ZNF727: variants seen among roughly 807,000 people sequenced by gnomAD.
ZNF727 encodes putative zinc finger protein 727.
A neutral mutation model predicts 11.5 loss-of-function variants in ZNF727; 11 were observed. The observed-to-expected ratio is 0.95, with a 90% CI of 0.60 to 1.58. The LOEUF is 1.58. ZNF727 is among the 40% of genes most tolerant of loss of function. The probability of loss-of-function intolerance (pLI) is 0.00; values close to 1 mark genes in which losing one functional copy is unlikely to be tolerated. For missense variants in ZNF727, 533 were observed against 581.7 expected, an observed-to-expected ratio of 0.92 and a Z score of 0.86; for synonymous variants, 171 against 196.1, an observed-to-expected ratio of 0.87 and a Z score of 1.07.
At chr7:64,075,151 G>T (rs1376513329) in intron 3 of ZNF727, among the ~76,000 whole-genome samples, 1 of 151,816 alleles carries the variant, frequency 6.6e-6, no homozygotes, top group Non-Finnish European at 1.5e-5. Context: ...ACTTTTCTCA[G>T]ACTTTGTCTA....
chr7:64,077,461 T>C lies in ZNF727; in HGVS notation c.412T>C (p.Ser138Pro). The change falls in exon 4 of 4, where the codon TCA (serine) becomes CCA (proline). Residue 138 changes from serine (S) to proline (P), a missense_variant. Ser to Pro is a moderately conservative substitution (Grantham distance 74). This residue lies in a region of ZNF727 where 463 missense variants were observed against 494.5 expected (regional missense o/e 0.94). Coordinates refer to ENST00000456806, the MANE Select transcript of ZNF727 (RefSeq NM_001159522.3). ...SSYNGIHQCL[S>P]ATRSKTCQYN... is the part of the protein sequence containing the mutation. ...TTATAATGGCATTCATCAATGTTTG[T>C]CAGCTACCCGTAGCAAAACCTGTCA... 1 of 1,551,890 alleles carries C rather than the reference T, an allele frequency of 6.4e-7. No individual in the cohort carries two copies. The highest frequency in any genetic ancestry group is 8.7e-7 in the Non-Finnish European group (1 of 1,147,014).
chr7:64,051,502 T>G (rs573263657), intron 1 of ZNF727, among the ~76,000 whole-genome samples: 1 of 152,274 alleles, frequency 6.6e-6, no homozygotes, highest in African/African-American at 2.4e-5. Context: ...TTTACAAATG[T>G]GTACTCCAAA....
Position 64,077,319 on chromosome 7 carries a change from C to T in ZNF727, c.270C>T (p.Asp90=). The T allele has an allele frequency of 6.5e-7, 1 of 1,549,352 alleles. No homozygotes were observed. Among genetic ancestry groups the T allele is most frequent in the Non-Finnish European group, 8.7e-7 (1 of 1,146,338 alleles). The change falls in exon 4 of 4, where the codon GAC becomes GAT. Residue 90 remains aspartate, a synonymous_variant. Transcript: ENST00000456806. ...CTGCAGAGATATTGCTGGAGCACGA[C>T]ATAAACGATTCATTTCAAAAAGTGA... ...HFTAEILLEH[D]INDSFQKVIL...
chr7:64,050,056 CAT>C (rs1033339964), intron 1 of ZNF727, among the ~76,000 whole-genome samples: 21 of 151,718 alleles, frequency 1.4e-4, no homozygotes, highest in African/African-American at 4.6e-4. Flanking sequence ...AAACTTTCTA[CAT>C]ATATATATTT....
intron 1 of ZNF727, among the ~76,000 whole-genome samples, chr7:64,049,050 T>C (rs925166657): frequency 1.3e-5 from 2 of 152,168 alleles, no homozygotes; most frequent in Non-Finnish European, 2.9e-5. Flanking sequence ...GAAAATCTAA[T>C]ATGGTTCCTT....
At position 64,083,312 on chromosome 7, in the gene ZNF727, C is replaced by G. The variant is rs1785822080; in HGVS notation, c.*4763C>G. 6.6e-6 allele frequency among the ~76,000 whole-genome samples: 1 copy of G among 152,202 alleles called. No homozygotes were observed. The highest frequency in any genetic ancestry group is 2.4e-5 in the African/African-American group (1 of 41,460). ...CAAAGATGGCGGCCCACTCCTCTTT[C>G]TGGTAGCTCCATCCCAGGGAGGTAC... On this transcript the variant is annotated 3_prime_UTR_variant, in exon 4 of 4. Transcript: ENST00000456806.
chr7:64,053,738 T>C (rs138278182), intron 1 of ZNF727, among the ~76,000 whole-genome samples: 276 of 152,226 alleles, frequency 1.8e-3, no homozygotes, highest in Middle Eastern at 6.8e-3. Flanking sequence ...TTGTCAGGCC[T>C]CCCCAGCCAT....
At chr7:64,058,157 G>C (rs765933676) in intron 1 of ZNF727, among the ~76,000 whole-genome samples, 4 of 152,180 alleles carry the variant, frequency 2.6e-5, no homozygotes, top group Non-Finnish European at 5.9e-5. Flanking sequence ...GTGTCAGGCA[G>C]GCCCTGGGCT....
chr7:64,082,078 G>A lies in ZNF727; in HGVS notation c.*3529G>A, dbSNP rs1785802326. Among the ~76,000 whole-genome samples, 2 of 152,140 alleles carry A rather than the reference G, an allele frequency of 1.3e-5. No homozygotes were observed. The highest frequency in any genetic ancestry group is 1.3e-4 in the Admixed American group (2 of 15,282). On this transcript the variant is annotated 3_prime_UTR_variant, in exon 4 of 4. Transcript: ENST00000456806. Reference sequence around the variant, plus strand: ...GCCCTCTCTCCTTGGGTAAACTACAGCTCGTTTGAGGTGTGAATAAGGCAC... The same window carrying A: ...GCCCTCTCTCCTTGGGTAAACTACAACTCGTTTGAGGTGTGAATAAGGCAC...
At chr7:64,064,646 A>G (rs1285253923) in intron 1 of ZNF727, among the ~76,000 whole-genome samples, 1 of 152,118 alleles carries the variant, frequency 6.6e-6, no homozygotes, top group East Asian at 1.9e-4. Flanking sequence ...TTGCAGTCCC[A>G]GTGGCTTACC....
In ZNF727 at chr7:64,066,811, TTAAAC is replaced by T. The variant is rs565633460; in HGVS notation, c.4-2075_4-2071del. Among the ~76,000 whole-genome samples, 79 of 152,242 alleles carry T rather than the reference TTAAAC, an allele frequency of 5.2e-4. 1 individual carries two copies. Among genetic ancestry groups the T allele is most frequent in the Admixed American group, 4.8e-3 (74 of 15,282 alleles). On this transcript the variant is annotated intron_variant, in intron 1 of 3. Transcript: ENST00000456806. ...GCCAAAATTGACAAATGCGATCTAATTAAACTAAAGAGCTTCTGCACTGCAAAAGA... is the reference window on the plus strand; with the variant it reads ...GCCAAAATTGACAAATGCGATCTAATTAAAGAGCTTCTGCACTGCAAAAGA...
chr7:64,070,509 A>C (rs767354339), intron 3 of ZNF727, among the ~76,000 whole-genome samples: 18 of 152,052 alleles, frequency 1.2e-4, no homozygotes, highest in Non-Finnish European at 2.2e-4. Context: ...CAATTTTTTC[A>C]CAAATAATAA....
chr7:64,049,657 A>G (rs968739122), intron 1 of ZNF727, among the ~76,000 whole-genome samples: 15 of 151,766 alleles, frequency 9.9e-5, no homozygotes, highest in African/African-American at 3.4e-4. Context: ...TTAATGTGGA[A>G]TAGGACATAC....
Position 64,078,665 on chromosome 7 carries a change from A to G in ZNF727, c.*116A>G, listed in dbSNP as rs984502496. 6 of 1,334,892 alleles carry G rather than the reference A, an allele frequency of 4.5e-6. No individual in the cohort carries two copies. Among genetic ancestry groups the G allele is most frequent in the Non-Finnish European group, 6.4e-6 (6 of 934,584 alleles). The allele number at this position is 1,334,892 out of a possible 1,614,324, so 82.7% of individuals were successfully genotyped here. ...CTGGAGAGAAACCCTACATTTGTGA[A>G]GAATGTGGCAAAGCCTTTATCCGCT... On this transcript the variant is annotated 3_prime_UTR_variant, in exon 4 of 4. Coordinates refer to ENST00000456806, the MANE Select transcript of ZNF727 (RefSeq NM_001159522.3).
At chr7:64,046,578 C>T (rs1426450624) in intron 1 of ZNF727, among the ~76,000 whole-genome samples, 3 of 152,168 alleles carry the variant, frequency 2.0e-5, no homozygotes, top group Non-Finnish European at 4.4e-5. Flanking sequence ...TCCTGCTTCA[C>T]CTTGCACCAG....
At chr7:64,068,776 G>A (rs1167268530) in intron 1 of ZNF727, 115 bp from the exon 2 acceptor site, 23 of 1,218,278 alleles carry the variant, frequency 1.9e-5, no homozygotes, top group Non-Finnish European at 2.7e-5. Flanking sequence ...GTATCCTATT[G>A]GATAACTCCA....
intron 2 of ZNF727, 36 bp downstream of exon 2, chr7:64,069,053 A>G: frequency 6.7e-7 from 1 of 1,495,222 alleles, no homozygotes; most frequent in Non-Finnish European, 8.9e-7. Flanking sequence ...CATATTCTAC[A>G]TTAAATATTT....
chr7:64,045,527 C>G lies in ZNF727; in HGVS notation c.-95C>G, dbSNP rs1789487377. ...TATTCCATCTCTTCCGCTCCATTAG[C>G]TCCTCGGTGACTCCACCATAGCCCC... On this transcript the variant is annotated 5_prime_UTR_variant, in exon 1 of 4. Transcript: ENST00000456806. 2.7e-6 allele frequency: 4 copies of G among 1,499,168 alleles called. No individual in the cohort carries two copies. Among genetic ancestry groups the G allele is most frequent in the Non-Finnish European group, 3.6e-6 (4 of 1,099,246 alleles). The allele number at this position is 1,499,168 out of a possible 1,614,324, so 92.9% of individuals were successfully genotyped here.
chr7:64,067,223 G>A (rs1789883270), intron 1 of ZNF727, among the ~76,000 whole-genome samples: 1 of 152,106 alleles, frequency 6.6e-6, no homozygotes, highest in Admixed American at 6.5e-5. Context: ...TTAGAATGGT[G>A]ATTATTAAAA....
Sources: allele counts gnomAD v4.1 joint callset (sites outside exome capture counted in the v4.1 genomes callset), GRCh38; gene constraint gnomAD v4.1.1; regional missense constraint gnomAD v4.1.1; transcripts MANE v1.5; gene names NCBI Gene and HGNC (gene_info 2026-07-23, HGNC 2026-07-21).